LTBP4: variants seen among roughly 807,000 people sequenced by gnomAD.
The protein encoded by LTBP4 is latent-transforming growth factor beta-binding protein 4.
LTBP4 carries 93 observed loss-of-function variants against 180.2 expected under a neutral mutation model. The observed-to-expected ratio is 0.52, with a 90% CI of 0.44 to 0.61. The LOEUF (loss-of-function observed/expected upper bound fraction) is 0.61. Among genes scored for constraint, LTBP4 ranks in the 20% least tolerant of loss-of-function variants. LTBP4 has a pLI of 0.00. For synonymous variants in LTBP4, 947 were observed against 934.5 expected (o/e 1.01, Z -0.24); for missense variants, 2,116 against 2,256.5 (o/e 0.94, Z 1.26).
upstream of LTBP4, among the ~76,000 whole-genome samples, chr19:40,601,173 C>T (rs1454335254): frequency 6.6e-6 from 1 of 152,066 alleles, no homozygotes; most frequent in Non-Finnish European, 1.5e-5. Context: ...AGAGGGGGCG[C>T]CCCGCTCACC....
rs760965464 is a variant in LTBP4 at position 40,613,510 on chromosome 19, C to T, written c.2538C>T (p.Pro846=). The change falls in exon 17 of 30, where the codon CCC becomes CCT. Residue 846 remains proline, a synonymous_variant. Transcript: ENST00000396819. This position sits in a 1 kb window ranked among gnomAD's most constrained non-coding sequence, Gnocchi z 5.0. ...GTGCCCCTGGCTACCGACCCGGACC[C>T]CGCGGAGCCTCTTGCCTCGGTTCGT... The part of the protein sequence containing the change: ...CTCAPGYRPG[P]RGASCLDVDE... 23 of 1,573,596 alleles carry T rather than the reference C, an allele frequency of 1.5e-5. No individual in the cohort carries two copies. Among genetic ancestry groups the T allele is most frequent in the Middle Eastern group, 3.3e-4 (2 of 6,048 alleles).
upstream of LTBP4, chr19:40,597,236 T>A (rs1383712445): frequency 6.7e-7 from 1 of 1,496,972 alleles, no homozygotes; most frequent in East Asian, 2.7e-5. Flanking sequence ...CCCGACACGA[T>A]GCCGAGGCCT....
At position 40,604,936 on chromosome 19, in the gene LTBP4, G is replaced by A. The variant is rs572223755; in HGVS notation, c.251-99G>A. ...GCGGGGCCACATGACAGCTAAGGGC[G>A]GAGCGACTTAGAAATGAATGATACC... On this transcript the variant is annotated intron_variant, in intron 1 of 29. Transcript: ENST00000396819. 248 of 1,107,604 alleles carry A rather than the reference G, an allele frequency of 2.2e-4. 2 individuals are homozygous for A. In the South Asian group the frequency reaches 3.4e-3, roughly 15 times the overall value. 68.6% of individuals were successfully genotyped at this position (1,107,604 alleles called of 1,614,324 possible).
intron 15 of LTBP4, among the ~76,000 whole-genome samples, chr19:40,612,810 T>A (rs2081516781): frequency 6.6e-6 from 1 of 152,192 alleles, no homozygotes; most frequent in Non-Finnish European, 1.5e-5. Context: ...TGATTTCTGA[T>A]CCCTGTCTGA....
Position 40,613,419 on chromosome 19 carries a change from T to G in LTBP4, c.2447T>G (p.Leu816Arg). ...PGPCADVNEC[L>R]EGDFCFPHGE... Reference sequence around the variant, plus strand: ...CGTACCCTAGACGTGAACGAGTGCCTGGAGGGCGATTTCTGCTTCCCTCAC... The same window carrying G: ...CGTACCCTAGACGTGAACGAGTGCCGGGAGGGCGATTTCTGCTTCCCTCAC... The change falls in exon 17 of 30, where the codon CTG (leucine) becomes CGG (arginine). Residue 816 changes from leucine (L) to arginine (R), a missense_variant. Around this residue, in one of 5 missense-constraint regions of LTBP4, gnomAD observed 877 missense variants for 873.6 expected, o/e 1.00. Transcript: ENST00000396819. The surrounding 1 kb of genome is among the most constrained non-coding windows in gnomAD (Gnocchi z 5.0). 1 of 1,606,518 alleles carries G rather than the reference T, an allele frequency of 6.2e-7. No homozygotes were observed. The highest frequency in any genetic ancestry group is 8.5e-7 in the Non-Finnish European group (1 of 1,177,006).
chr19:40,623,174 C>CTTTT (rs11376199), intron 24 of LTBP4, among the ~76,000 whole-genome samples, 153 bp downstream of exon 24: 1 of 138,370 alleles, frequency 7.2e-6, no homozygotes, highest in African/African-American at 2.7e-5. Context: ...TCTTTTCTTT[C>CTTTT]TTTTTTTTTT....
Position 40,629,719 on chromosome 19 carries a change from C to T in LTBP4, c.*169C>T, listed in dbSNP as rs184623027. The T allele has an allele frequency of 7.0e-4, 405 of 582,222 alleles. 2 individuals carry two copies. The highest frequency in any genetic ancestry group is 5.9e-3 in the African/African-American group (301 of 50,670). 36.1% of individuals were successfully genotyped at this position (582,222 alleles called of 1,614,324 possible). A position where few individuals can be genotyped will look rare whatever the true frequency, so the allele number is the denominator to read the frequency against. On this transcript the variant is annotated 3_prime_UTR_variant, in exon 30 of 30. Coordinates refer to ENST00000396819, the MANE Select transcript of LTBP4 (RefSeq NM_001042545.2). This position sits in a 1 kb window ranked among gnomAD's most constrained non-coding sequence, Gnocchi z 4.5. Reference sequence around the variant, plus strand: ...CCTGCACTGCTCCCGCCTCCACCAGCGCCTCCCACTGATGTCGTGGTCCCG... The same window carrying T: ...CCTGCACTGCTCCCGCCTCCACCAGTGCCTCCCACTGATGTCGTGGTCCCG...
At position 40,629,285 on chromosome 19, in the gene LTBP4, A is replaced by T; in HGVS notation, c.4520-111A>T. 2 of 1,415,436 alleles carry T rather than the reference A, an allele frequency of 1.4e-6. No homozygotes were observed. Among genetic ancestry groups the T allele is most frequent in the Non-Finnish European group, 2.0e-6 (2 of 1,007,336 alleles). The allele number at this position is 1,415,436 out of a possible 1,614,324, so 87.7% of individuals were successfully genotyped here. On this transcript the variant is annotated intron_variant, in intron 29 of 29. Coordinates refer to ENST00000396819, the MANE Select transcript of LTBP4 (RefSeq NM_001042545.2). This position sits in a 1 kb window ranked among gnomAD's most constrained non-coding sequence, Gnocchi z 4.5. ...TAGCAGATGGCAGAGGCCAGATTGGACTCCAAACTGCTCAGCATCTGTGCT... is the reference window on the plus strand; with the variant it reads ...TAGCAGATGGCAGAGGCCAGATTGGTCTCCAAACTGCTCAGCATCTGTGCT...
chr19:40,599,400 A>C, upstream of LTBP4: 1 of 1,610,794 alleles, frequency 6.2e-7, no homozygotes, highest in Non-Finnish European at 8.5e-7. Context: ...TTCCCCACTT[A>C]GTCCCTGGCT....
chr19:40,597,227 C>T, upstream of LTBP4: 1 of 1,480,386 alleles, frequency 6.8e-7, no homozygotes, highest in Non-Finnish European at 8.9e-7. Context: ...GACTCGGCGC[C>T]CGACACGATG....
Position 40,628,955 on chromosome 19 carries a change from T to A in LTBP4, c.4520-441T>A, listed in dbSNP as rs111994553. On this transcript the variant is annotated intron_variant, in intron 29 of 29. Coordinates refer to ENST00000396819, the MANE Select transcript of LTBP4 (RefSeq NM_001042545.2). Reference sequence around the variant, plus strand: ...ACCTCCTCCTCCCAGGTTCAAGCGATTCTCCTGCCTCAGCCTCTCGAGTAG... The same window carrying A: ...ACCTCCTCCTCCCAGGTTCAAGCGAATCTCCTGCCTCAGCCTCTCGAGTAG... Among the ~76,000 whole-genome samples, 664 of 152,022 alleles carry A rather than the reference T, an allele frequency of 4.4e-3. 6 individuals carry two copies. Among genetic ancestry groups the A allele is most frequent in the African/African-American group, 0.015 (625 of 41,466 alleles).
At position 40,607,730 on chromosome 19, in the gene LTBP4, T is replaced by A. The variant is rs190003323; in HGVS notation, c.1156+201T>A. Among the ~76,000 whole-genome samples the A allele has an allele frequency of 8.1e-3, 1,235 of 152,180 alleles. 11 individuals are homozygous for A. The highest frequency in any genetic ancestry group is 0.012 in the Non-Finnish European group (822 of 67,960). ...CTCCATCTGTAGCCACAGCCACCCCTCCATTCGTAGCCACAGCTACCCCGG... is the reference window on the plus strand; with the variant it reads ...CTCCATCTGTAGCCACAGCCACCCCACCATTCGTAGCCACAGCTACCCCGG... On this transcript the variant is annotated intron_variant, in intron 7 of 29. Transcript: ENST00000396819.
intron 1 of LTBP4, 149 bp from the exon 2 acceptor site, chr19:40,604,886 G>A: frequency 1.5e-6 from 1 of 669,504 alleles, no homozygotes; most frequent in Non-Finnish European, 2.5e-6. Context: ...AACTGGACTG[G>A]GCCAATGCTG....
chr19:40,613,672 T>C lies in LTBP4; in HGVS notation c.2557+143T>C. 1 of 1,312,170 alleles carries C rather than the reference T, an allele frequency of 7.6e-7. No individual in the cohort carries two copies. Among genetic ancestry groups the C allele is most frequent in the East Asian group, 2.5e-5 (1 of 39,454 alleles). The allele number at this position is 1,312,170 out of a possible 1,614,324, so 81.3% of individuals were successfully genotyped here. Reference sequence around the variant, plus strand: ...GATCAGGGGGCAGCTGGTGGGAGTCTCGAGGCAGTGAGGGGGGGCGGGGCG... The same window carrying C: ...GATCAGGGGGCAGCTGGTGGGAGTCCCGAGGCAGTGAGGGGGGGCGGGGCG... On this transcript the variant is annotated intron_variant, in intron 17 of 29. Coordinates refer to ENST00000396819, the MANE Select transcript of LTBP4 (RefSeq NM_001042545.2). This position sits in a 1 kb window ranked among gnomAD's most constrained non-coding sequence, Gnocchi z 5.0.
At position 40,627,170 on chromosome 19, in the gene LTBP4, G is replaced by A. The variant is rs1178129446; in HGVS notation, c.4181G>A (p.Arg1394His). 1.2e-5 allele frequency: 19 copies of A among 1,612,868 alleles called. No individual in the cohort carries two copies. Among genetic ancestry groups the A allele is most frequent in the Middle Eastern group, 1.6e-4 (1 of 6,084 alleles). ...CCACCGCCACCTGGGCCCTTCGCCC[G>A]CCGGGAGGCTCCTTATGGGGCACCC... The part of the protein sequence containing the change: ...PYPPPPGPFA[R>H]REAPYGAPRF... The change falls in exon 28 of 30, where the codon CGC (arginine) becomes CAC (histidine). Residue 1394 changes from arginine to histidine, a missense_variant. This residue lies in a region of LTBP4 where 488 missense variants were observed against 458.8 expected (regional missense o/e 1.06). Transcript: ENST00000396819.
rs942534487 is a variant in LTBP4 at position 40,629,581 on chromosome 19, C to T, written c.*31C>T. 3 of 1,353,370 alleles carry T rather than the reference C, an allele frequency of 2.2e-6. No individual in the cohort carries two copies. The highest frequency in any genetic ancestry group is 3.1e-5 in the African/African-American group (2 of 64,358). The allele number at this position is 1,353,370 out of a possible 1,614,324, so 83.8% of individuals were successfully genotyped here. Reference sequence around the variant, plus strand: ...GGCACCCGCTGGCCGCCCACCCGCGCCCGCCACTCGGGGCCCCTGCCGCGC... The same window carrying T: ...GGCACCCGCTGGCCGCCCACCCGCGTCCGCCACTCGGGGCCCCTGCCGCGC... On this transcript the variant is annotated 3_prime_UTR_variant, in exon 30 of 30. Coordinates refer to ENST00000396819, the MANE Select transcript of LTBP4 (RefSeq NM_001042545.2). The surrounding 1 kb of genome is among the most constrained non-coding windows in gnomAD (Gnocchi z 4.5).
chr19:40,598,685 C>T, upstream of LTBP4: 1 of 186,212 alleles, frequency 5.4e-6, no homozygotes, highest in Non-Finnish European at 1.1e-5. Context: ...TCCCGTTATC[C>T]CCCTCCACCT....
chr19:40,615,898 T>C (rs1254215743), intron 19 of LTBP4, among the ~76,000 whole-genome samples: 5 of 152,170 alleles, frequency 3.3e-5, no homozygotes, highest in Non-Finnish European at 1.5e-5. Context: ...GGCATACCAA[T>C]AAATACATAC....
In LTBP4 at chr19:40,623,598, G is replaced by A; in HGVS notation, c.3557-6G>A. ...GCCCCCATCTCTCTCTCTGCTTTTC[G>A]CACAGACGTGGACGAATGTCAGCTC... On this transcript the variant is annotated splice_region_variant and splice_polypyrimidine_tract_variant and intron_variant, in intron 24 of 29. Transcript: ENST00000396819. The A allele has an allele frequency of 6.2e-7, 1 of 1,610,886 alleles. No individual in the cohort carries two copies. Among genetic ancestry groups the A allele is most frequent in the Non-Finnish European group, 8.5e-7 (1 of 1,178,308 alleles).
Sources: gnomAD v4.1 joint callset for allele counts (sites outside exome capture counted in the v4.1 genomes callset) on GRCh38, gnomAD v4.1.1 for gene constraint, gnomAD v4.1.1 regional missense constraint, Gnocchi (gnomAD v3.1) non-coding constraint, MANE v1.5 for transcripts, NCBI Gene and HGNC (gene_info 2026-07-23, HGNC 2026-07-21) for gene names.